Variants in DDX31 observed in about 807,000 individuals in gnomAD.
The protein encoded by DDX31 is ATP-dependent DNA helicase DDX31.
Under a neutral mutation model 91.3 loss-of-function variants are expected in DDX31, and 70 were observed. The observed-to-expected ratio is 0.77, with a 90% CI of 0.63 to 0.94. The LOEUF (loss-of-function observed/expected upper bound fraction) is 0.94. DDX31 is among the 40% of genes least tolerant of loss of function. The pLI is 0.00. For missense variants in DDX31, 902 were observed against 925.0 expected, an observed-to-expected ratio of 0.98 and a Z score of 0.32; for synonymous variants, 362 against 350.6, an observed-to-expected ratio of 1.03 and a Z score of -0.36.
Position 132,603,166 on chromosome 9 carries a change from C to T in DDX31, c.1995-8054G>A, listed in dbSNP as rs79554908. Among the ~76,000 whole-genome samples, 1,006 of 152,322 alleles carry T rather than the reference C, an allele frequency of 6.6e-3. 11 individuals are homozygous for T. Among genetic ancestry groups the T allele is most frequent in the African/African-American group, 0.023 (967 of 41,560 alleles). On this transcript the variant is annotated intron_variant, in intron 19 of 19. Coordinates refer to ENST00000372159, the MANE Select transcript of DDX31 (RefSeq NM_022779.9). The stretch of plus-strand genomic sequence containing the variant: ...CCCTCAAAAGAGATGCTGCTGCCAC[C>T]GCCACGAGCACTTAAAACTGACATG...
intron 19 of DDX31, among the ~76,000 whole-genome samples, chr9:132,601,161 A>G (rs1173049790): frequency 2.0e-5 from 3 of 152,164 alleles, no homozygotes; most frequent in African/African-American, 7.2e-5. Flanking sequence ...CTGTGGGTGA[A>G]CTGGATGAAA....
chr9:132,612,974 G>A (rs565783719), intron 18 of DDX31, among the ~76,000 whole-genome samples: 10 of 152,262 alleles, frequency 6.6e-5, no homozygotes, highest in African/African-American at 1.9e-4. Flanking sequence ...GTGCAGTGAC[G>A]TGATCATACC....
At chr9:132,599,766 G>A (rs1398340478) in intron 19 of DDX31, among the ~76,000 whole-genome samples, 2 of 152,214 alleles carry the variant, frequency 1.3e-5, no homozygotes, top group South Asian at 2.1e-4. Context: ...GACTAGTCAA[G>A]TGCACTCCTC....
intron 17 of DDX31, among the ~76,000 whole-genome samples, chr9:132,622,067 C>G (rs1310801868): frequency 1.3e-5 from 2 of 151,686 alleles, no homozygotes; most frequent in Non-Finnish European, 2.9e-5. Context: ...AAGGTAGGAG[C>G]TGGGGCTGAG....
intron 13 of DDX31, among the ~76,000 whole-genome samples, chr9:132,645,170 G>C (rs1407229126): frequency 6.6e-6 from 1 of 152,072 alleles, no homozygotes; most frequent in Non-Finnish European, 1.5e-5. Flanking sequence ...TTCGAGTCTT[G>C]CTCGTTCTTT....
At chr9:132,642,763 G>A (rs948664808) in intron 13 of DDX31, among the ~76,000 whole-genome samples, 2 of 151,586 alleles carry the variant, frequency 1.3e-5, no homozygotes, top group Non-Finnish European at 2.9e-5. Flanking sequence ...TGGTGAAATA[G>A]TATTCAACTA....
intron 6 of DDX31, among the ~76,000 whole-genome samples, chr9:132,657,042 T>C (rs749367565): frequency 1.3e-5 from 2 of 152,226 alleles, no homozygotes; most frequent in Admixed American, 1.3e-4. Flanking sequence ...TTTTTATGCA[T>C]GCATACACAA....
rs62576190 is a variant in DDX31, at chr9:132,652,504, C to T, written c.589-12G>A. The T allele has an allele frequency of 1.2e-6, 2 of 1,613,646 alleles. No individual in the cohort carries two copies. Among genetic ancestry groups the T allele is most frequent in the Non-Finnish European group, 1.7e-6 (2 of 1,179,840 alleles). On this transcript the variant is annotated splice_polypyrimidine_tract_variant and intron_variant, in intron 6 of 19. Transcript: ENST00000372159. ...GGGCCATCACTGCGCTGTTGACACA[C>T]AGAAAAAAAATGCCATGAGCAGGAT...
At chr9:132,603,177 C>T (rs1252669016) in intron 19 of DDX31, among the ~76,000 whole-genome samples, 1 of 152,246 alleles carries the variant, frequency 6.6e-6, no homozygotes, top group Non-Finnish European at 1.5e-5. Flanking sequence ...GCCACGAGCA[C>T]TTAAAACTGA....
At chr9:132,651,340 C>T (rs1834173116) in intron 7 of DDX31, among the ~76,000 whole-genome samples, 1 of 152,156 alleles carries the variant, frequency 6.6e-6, no homozygotes, top group Admixed American at 6.5e-5. Context: ...CTTGGACATA[C>T]ACAAAAATAG....
rs1338877068 is a variant in DDX31, at chr9:132,595,134, G to C, written c.1995-22C>G. 1 of 1,593,134 alleles carries C rather than the reference G, an allele frequency of 6.3e-7. No homozygotes were observed. Among genetic ancestry groups the C allele is most frequent in the African/African-American group, 1.4e-5 (1 of 73,716 alleles). On this transcript the variant is annotated intron_variant, in intron 19 of 19. Coordinates refer to ENST00000372159, the MANE Select transcript of DDX31 (RefSeq NM_022779.9). This position sits in a 1 kb window ranked among gnomAD's most constrained non-coding sequence, Gnocchi z 4.6. ...AGGCCTGAAGAACAGTAACAGCAGA[G>C]AGGGAAAAGAAACTTTATTATTTTT... is the stretch of plus-strand genomic sequence containing the variant.
chr9:132,665,465 A>G (rs769062148), intron 1 of DDX31, among the ~76,000 whole-genome samples: 8 of 152,224 alleles, frequency 5.3e-5, no homozygotes, highest in Non-Finnish European at 1.0e-4. Flanking sequence ...AGGCTATGAG[A>G]GCACCAACAA....
At chr9:132,616,355 TTTCATGGTATTAACAAG>T (rs1831626319) in intron 18 of DDX31, among the ~76,000 whole-genome samples, 1 of 152,156 alleles carries the variant, frequency 6.6e-6, no homozygotes, top group African/African-American at 2.4e-5. Flanking sequence ...ACCCTGCTTG[TTTCATGGTATTAACAAG>T]TTCAATGGTA....
At chr9:132,659,671 T>A (rs2130833049) in intron 5 of DDX31, 39 bp downstream of exon 5, 1 of 1,581,602 alleles carries the variant, frequency 6.3e-7, no homozygotes, top group African/African-American at 1.3e-5. Flanking sequence ...ACCATGGGCC[T>A]GAGCAGATGA....
At chr9:132,607,975 T>C (rs976747832) in intron 19 of DDX31, among the ~76,000 whole-genome samples, 8 of 152,214 alleles carry the variant, frequency 5.3e-5, no homozygotes, top group Non-Finnish European at 8.8e-5. Flanking sequence ...CCTAGACAGA[T>C]AGACACCTGG....
intron 14 of DDX31, among the ~76,000 whole-genome samples, chr9:132,640,294 T>C (rs897356155): frequency 3.3e-5 from 5 of 152,030 alleles, no homozygotes; most frequent in Admixed American, 2.0e-4. Context: ...GTCAAAATCA[T>C]GGTAGTGTTC....
At chr9:132,641,960 C>T (rs1833528182) in intron 14 of DDX31, 44 bp downstream of exon 14, 1 of 1,582,584 alleles carries the variant, frequency 6.3e-7, no homozygotes, top group African/African-American at 1.3e-5. Flanking sequence ...ACAGCCATCA[C>T]AGAAATGTAT....
chr9:132,662,798 C>A, intron 1 of DDX31, 103 bp from the exon 2 acceptor site: 5 of 1,463,636 alleles, frequency 3.4e-6, no homozygotes, highest in Middle Eastern at 2.4e-4. Flanking sequence ...TCTCTCCCTG[C>A]AGAGATCATT....
intron 19 of DDX31, among the ~76,000 whole-genome samples, chr9:132,598,701 G>A (rs1200556265): frequency 2.6e-5 from 4 of 152,130 alleles, no homozygotes; most frequent in Non-Finnish European, 5.9e-5. Flanking sequence ...TTTGCTAATG[G>A]CACTCTTTTA....
Sources: allele counts gnomAD v4.1 joint callset (sites outside exome capture counted in the v4.1 genomes callset), GRCh38; gene constraint gnomAD v4.1.1; non-coding constraint Gnocchi (gnomAD v3.1); transcripts MANE v1.5; gene names NCBI Gene and HGNC (gene_info 2026-07-23, HGNC 2026-07-21).